Variants in FOXP3 observed in about 807,000 individuals in gnomAD.
FOXP3 encodes forkhead box protein P3.
Under a neutral mutation model 31.2 loss-of-function variants are expected in FOXP3, and 5 were observed. The ratio of observed to expected loss-of-function variants is 0.16; its 90% CI spans 0.08 to 0.34. FOXP3 has a LOEUF of 0.34. Among genes scored for constraint, FOXP3 ranks in the 10% least tolerant of loss-of-function variants. The pLI is 1.00. For missense variants in FOXP3, 251 were observed against 363.0 expected (o/e 0.69, Z 2.51); for synonymous variants, 141 against 148.8 (o/e 0.95, Z 0.38).
Position 49,257,706 on chromosome X carries a change from G to T in FOXP3, c.273C>A (p.His91Gln). The T allele has an allele frequency of 8.5e-7, 1 of 1,181,467 alleles. No homozygotes were observed. The highest frequency in any genetic ancestry group is 1.7e-5 in the African/African-American group (1 of 57,370). ...PSGARLGPLP[H>Q]LQALLQDRPH... ...GCCTGTCCTGGAGGAGTGCCTGTAA[G>T]TGGGGCAAGGGGCCCAGCCGTGCCC... Residue 91 changes from histidine to glutamine, a missense_variant, in exon 3 of 12, where the codon CAC (histidine) becomes CAA (glutamine). His to Gln is a conservative substitution (Grantham distance 24). This residue lies in a region of FOXP3 where 152 missense variants were observed against 188.1 expected (regional missense o/e 0.81). Coordinates refer to ENST00000376207, the MANE Select transcript of FOXP3 (RefSeq NM_014009.4).
rs1557115482 is a variant in FOXP3, at chrX:49,251,224, C to T, written c.*110G>A. The stretch of plus-strand genomic sequence containing the variant: ...GGCAGGCAAGACAGTGGAAACCTCA[C>T]TTCTTGGTCCCTGTGGGCACATCCA... On this transcript the variant is annotated 3_prime_UTR_variant, in exon 12 of 12. Transcript: ENST00000376207. The T allele has an allele frequency of 2.1e-6, 2 of 954,381 alleles. No individual in the cohort carries two copies. The highest frequency in any genetic ancestry group is 2.6e-5 in the Admixed American group (1 of 37,969). 78.7% of individuals were successfully genotyped at this position (954,381 alleles called of 1,213,427 possible). A position where few individuals can be genotyped will look rare whatever the true frequency, so the allele number is the denominator to read the frequency against.
intron 1 of FOXP3, among the ~76,000 whole-genome samples, chrX:49,260,013 G>A (rs2066100991): frequency 9.0e-6 from 1 of 111,288 alleles, no homozygotes; most frequent in African/African-American, 3.3e-5. Flanking sequence ...GTGGTTGTCA[G>A]AGCTGTGGTG....
chrX:49,253,322 G>A (rs1305944941), intron 9 of FOXP3, 120 bp from the exon 10 acceptor site: 2 of 554,315 alleles, frequency 3.6e-6, no homozygotes, highest in Non-Finnish European at 6.2e-6. Context: ...CCGTGTCCAC[G>A]GGCACAGGTA....
chrX:49,251,313 C>T lies in FOXP3; in HGVS notation c.*21G>A, dbSNP rs781902934. On this transcript the variant is annotated 3_prime_UTR_variant, in exon 12 of 12. Transcript: ENST00000376207. Reference sequence around the variant, plus strand: ...CCAGTTTGGCCCCTGTTCGTCCATCCTCCTTTCCTTGATCTTGAGGTCAGG... The same window carrying T: ...CCAGTTTGGCCCCTGTTCGTCCATCTTCCTTTCCTTGATCTTGAGGTCAGG... The T allele has an allele frequency of 2.9e-5, 35 of 1,203,583 alleles. No individual in the cohort carries two copies. The South Asian group carries it at 5.9e-4, about 20-fold the overall frequency.
At chrX:49,264,632 A>G (rs1463703988) in intron 1 of FOXP3, 29 bp downstream of exon 1, 1 of 746,089 alleles carries the variant, frequency 1.3e-6, no homozygotes, top group Non-Finnish European at 1.6e-6. Context: ...TGGGGCCCAC[A>G]TCTGGTAGGG....
At position 49,258,506 on chromosome X, in the gene FOXP3, C is replaced by T. The variant is rs369083462; in HGVS notation, c.-1G>A. The T allele has an allele frequency of 1.5e-5, 17 of 1,163,308 alleles. No homozygotes were observed. The highest frequency in any genetic ancestry group is 1.5e-5 in the Non-Finnish European group (13 of 869,764). ...GCTTGCCAGGCCTGGGGTTGGGCAT[C>T]GGGTCCTTGTCCAAGGGCAGGCTGC... is the stretch of plus-strand genomic sequence containing the variant. On this transcript the variant is annotated 5_prime_UTR_variant, in exon 2 of 12. Transcript: ENST00000376207.
intron 10 of FOXP3, 114 bp downstream of exon 10, chrX:49,253,012 T>G: frequency 1.6e-6 from 1 of 616,792 alleles, no homozygotes; most frequent in African/African-American, 2.2e-5. Context: ...GGCTGGGGCT[T>G]GGGAATGGAG....
intron 1 of FOXP3, among the ~76,000 whole-genome samples, chrX:49,263,173 C>CAAAAAA (rs72024386): frequency 2.5e-4 from 15 of 58,934 alleles, no homozygotes; most frequent in Non-Finnish European, 3.9e-4. Context: ...ACCAGACAAC[C>CAAAAAA]AAAAAAAAAA....
chrX:49,257,133 G>T, intron 4 of FOXP3, 121 bp from the exon 5 acceptor site: 1 of 636,158 alleles, frequency 1.6e-6, no homozygotes, highest in Non-Finnish European at 2.4e-6. Flanking sequence ...CTCCCAGGGG[G>T]CTCTGCTGTC....
At chrX:49,256,220 A>AAGAGAGAGAGAGAG (rs782303757) in intron 6 of FOXP3, among the ~76,000 whole-genome samples, 2 of 67,027 alleles carry the variant, frequency 3.0e-5, no homozygotes, top group African/African-American at 8.1e-5. Flanking sequence ...GAGAGAGAGA[A>AAGAGAGAGAGAGAG]AGAGAGAGAG....
In FOXP3 at chrX:49,251,389, C is replaced by T. The variant is rs782786757; in HGVS notation, c.1241G>A (p.Arg414His). 1.2e-4 allele frequency: 148 copies of T among 1,209,860 alleles called. No individual in the cohort carries two copies. Among genetic ancestry groups the T allele is most frequent in the Non-Finnish European group, 1.6e-4 (140 of 894,990 alleles). The change falls in exon 12 of 12, where the codon CGC becomes CAC. Residue 414 changes from arginine (R) to histidine (H), a missense_variant. Physicochemically the swap from Arg to His is conservative, Grantham distance 29. Transcript: ENST00000376207. ...GCTGGGCCTCTGGCTCCGTTTCTTG[C>T]GGAACTCCAGCTCATCCACGGTCCA... is the stretch of plus-strand genomic sequence containing the variant. ...AVWTVDELEFRKKRSQRPSRC... is the reference protein window; with the variant it reads ...AVWTVDELEFHKKRSQRPSRC...
In FOXP3 at chrX:49,257,520, G is replaced by C; in HGVS notation, c.361C>G (p.His121Asp). ...AHARTPVLQV[H>D]PLESPAMISL... ...ATCATGGCTGGGCTCTCCAGGGGGT[G>C]CACCTGCAGCACAGGGGTCCGGGCG... The change falls in exon 4 of 12, where the codon CAC becomes GAC. Residue 121 changes from histidine (H) to aspartate (D), a missense_variant. His to Asp is a moderately conservative substitution (Grantham distance 81). Around this residue, in one of 4 missense-constraint regions of FOXP3, gnomAD observed 152 missense variants for 188.1 expected, o/e 0.81. Transcript: ENST00000376207. The C allele has an allele frequency of 8.6e-7, 1 of 1,168,437 alleles. No individual in the cohort carries two copies. The highest frequency in any genetic ancestry group is 1.2e-6 in the Non-Finnish European group (1 of 869,505).
chrX:49,253,992 G>C lies in FOXP3; in HGVS notation c.892C>G (p.Pro298Ala). 1 of 1,210,255 alleles carries C rather than the reference G, an allele frequency of 8.3e-7. No individual in the cohort carries two copies. The highest frequency in any genetic ancestry group is 1.1e-6 in the Non-Finnish European group (1 of 894,775). The change falls in exon 9 of 12, where the codon CCC (proline) becomes GCC (alanine). Residue 298 changes from proline (P) to alanine (A), a missense_variant. Physicochemically the swap from Pro to Ala is conservative, Grantham distance 27. Coordinates refer to ENST00000376207, the MANE Select transcript of FOXP3 (RefSeq NM_014009.4). ...AACAGGCTGTCAGGGGCCTCCCGGG[G>C]GCCAGACCAGGCTGGGACGACAGGG... ...QGPVVPAWSG[P>A]REAPDSLFAV...
At chrX:49,256,220 A>AGAGAG (rs2066069868) in intron 6 of FOXP3, among the ~76,000 whole-genome samples, 1 of 67,014 alleles carries the variant, frequency 1.5e-5, no homozygotes, top group East Asian at 5.2e-4. Flanking sequence ...GAGAGAGAGA[A>AGAGAG]AGAGAGAGAG....
At chrX:49,254,122 T>C in intron 8 of FOXP3, 55 bp from the exon 9 acceptor site, 2 of 1,154,327 alleles carry the variant, frequency 1.7e-6, no homozygotes, top group East Asian at 6.2e-5. Flanking sequence ...CACTTTTTAC[T>C]TTCTATTTTA....
At position 49,251,020 on chromosome X, in the gene FOXP3, G is replaced by C; in HGVS notation, c.*314C>G. ...AGCCCTGAAGTAATCTGTGCGAGCA[G>C]CTGAGGCAGGCTCTGTGTGGCTGGT... On this transcript the variant is annotated 3_prime_UTR_variant, in exon 12 of 12. Coordinates refer to ENST00000376207, the MANE Select transcript of FOXP3 (RefSeq NM_014009.4). 2.6e-6 allele frequency: 1 copy of C among 379,683 alleles called. No individual in the cohort carries two copies. Among genetic ancestry groups the C allele is most frequent in the Non-Finnish European group, 4.7e-6 (1 of 214,898 alleles). The allele number at this position is 379,683 out of a possible 1,213,427, so 31.3% of individuals were successfully genotyped here. A position where few individuals can be genotyped will look rare whatever the true frequency, so the allele number is the denominator to read the frequency against.
In FOXP3 at chrX:49,256,987, C is replaced by A; in HGVS notation, c.480G>T (p.Trp160Cys). 3.3e-6 allele frequency: 4 copies of A among 1,210,083 alleles called. No individual in the cohort carries two copies. Among genetic ancestry groups the A allele is most frequent in the Non-Finnish European group, 4.5e-6 (4 of 894,730 alleles). Residue 160 changes from tryptophan (W) to cysteine (C), a missense_variant, in exon 5 of 12, where the codon TGG becomes TGT. Coordinates refer to ENST00000376207, the MANE Select transcript of FOXP3 (RefSeq NM_014009.4). ...PPGINVASLE[W>C]VSREPALLCT... ...AGAGCAGTGCCGGCTCCCTGGACAC[C>A]CATTCCAGGCTGGCCACGTTGATCC...
At chrX:49,260,722 G>A (rs782109785) in intron 1 of FOXP3, among the ~76,000 whole-genome samples, 31 of 112,951 alleles carry the variant, frequency 2.7e-4, no homozygotes, top group African/African-American at 7.7e-4. Flanking sequence ...CACAGATTAT[G>A]TTTTCATATC....
At chrX:49,258,191 T>C in intron 2 of FOXP3, 105 bp downstream of exon 2, 1 of 659,529 alleles carries the variant, frequency 1.5e-6, no homozygotes, top group Non-Finnish European at 2.3e-6. Context: ...AACCACTTCC[T>C]GTGCCCCAGC....
Sources: allele counts gnomAD v4.1 joint callset (sites outside exome capture counted in the v4.1 genomes callset), GRCh38; gene constraint gnomAD v4.1.1; regional missense constraint gnomAD v4.1.1; transcripts MANE v1.5; gene names NCBI Gene and HGNC (gene_info 2026-07-23, HGNC 2026-07-21).